Variants in PPIL3 observed in about 807,000 individuals in gnomAD.
The protein encoded by PPIL3 is peptidylprolyl isomerase like 3.
A neutral mutation model predicts 20.9 loss-of-function variants in PPIL3; 13 were observed. The ratio of observed to expected loss-of-function variants is 0.62; its 90% CI spans 0.40 to 0.99. The LOEUF is 0.99. Among genes scored for constraint, PPIL3 ranks in the 50% least tolerant of loss-of-function variants. The pLI is 0.00. For synonymous variants in PPIL3, 71 were observed against 64.4 expected (o/e 1.10, Z -0.49); for missense variants, 170 against 195.2 (o/e 0.87, Z 0.77).
intron 5 of PPIL3, among the ~76,000 whole-genome samples, chr2:200,877,876 C>G (rs891632241): frequency 6.6e-6 from 1 of 152,156 alleles, no homozygotes; most frequent in Non-Finnish European, 1.5e-5. Context: ...TCACCTAGCT[C>G]TACTATCATG....
At chr2:200,875,305 G>C (rs919111303) in intron 6 of PPIL3, among the ~76,000 whole-genome samples, 2 of 151,234 alleles carry the variant, frequency 1.3e-5, no homozygotes, top group African/African-American at 4.9e-5. Flanking sequence ...GTCTCGCTTT[G>C]TCACCAGGCT....
chr2:200,884,566 C>T (rs1203081018), intron 3 of PPIL3, among the ~76,000 whole-genome samples: 1 of 151,378 alleles, frequency 6.6e-6, no homozygotes, highest in African/African-American at 2.4e-5. Context: ...AGTGAGATCT[C>T]GTCTCCATAA....
At chr2:200,875,408 C>T (rs538236370) in intron 6 of PPIL3, among the ~76,000 whole-genome samples, 5 of 151,960 alleles carry the variant, frequency 3.3e-5, no homozygotes, top group Non-Finnish European at 5.9e-5. Context: ...GCTGGAATTA[C>T]AGGCACGCAC....
intron 6 of PPIL3, among the ~76,000 whole-genome samples, chr2:200,871,945 T>G (rs72929005): frequency 0.046 from 7,032 of 152,238 alleles, 250 homozygotes; most frequent in Middle Eastern, 0.099. Context: ...TTTCAAAATT[T>G]TATTTAATTT....
chr2:200,887,436 G>T (rs927101818), intron 2 of PPIL3, among the ~76,000 whole-genome samples, 177 bp downstream of exon 2: 17 of 136,562 alleles, frequency 1.2e-4, no homozygotes, highest in African/African-American at 3.8e-4. Flanking sequence ...CAACATTAAA[G>T]AATTTTAAAG....
Position 200,871,469 on chromosome 2 carries a change from C to T in PPIL3, c.412G>A (p.Glu138Lys). The change falls in exon 7 of 7, where the codon GAG becomes AAG. Residue 138 changes from glutamate to lysine, a missense_variant. Coordinates refer to ENST00000392283, the MANE Select transcript of PPIL3 (RefSeq NM_130906.3). ...LDELEKLPVN[E>K]KTYRPLNDVH... ...TCATTAAGAGGTCGGTATGTCTTCT[C>T]ATTTACTGGCAACTTCTCCAACTCA... 1 of 1,611,518 alleles carries T rather than the reference C, an allele frequency of 6.2e-7. No individual in the cohort carries two copies. Among genetic ancestry groups the T allele is most frequent in the Non-Finnish European group, 8.5e-7 (1 of 1,177,750 alleles).
intron 3 of PPIL3, 34 bp downstream of exon 3, chr2:200,885,664 A>T (rs1211678351): frequency 1.6e-5 from 20 of 1,273,954 alleles, no homozygotes; most frequent in Non-Finnish European, 2.2e-5. Context: ...TTGTTGTATT[A>T]ACTGATGTTG....
At position 200,889,049 on chromosome 2, in the gene PPIL3, G is replaced by A. The variant is rs2040095304; in HGVS notation, c.-164C>T. ...AGAGGTCTGTTGGTTCAAAATTATA[G>A]TTTCTTTGGGCCAGCGGAAGTTGGG... On this transcript the variant is annotated 5_prime_UTR_variant, in exon 1 of 7. Transcript: ENST00000392283. The A allele has an allele frequency of 2.1e-6, 1 of 471,018 alleles. No homozygotes were observed. The highest frequency in any genetic ancestry group is 2.0e-5 in the African/African-American group (1 of 50,086). The allele number at this position is 471,018 out of a possible 1,614,324, so 29.2% of individuals were successfully genotyped here.
At chr2:200,885,674 G>A in intron 3 of PPIL3, 24 bp downstream of exon 3, 1 of 1,398,498 alleles carries the variant, frequency 7.2e-7, no homozygotes, top group Non-Finnish European at 1.0e-6. Flanking sequence ...AACTGATGTT[G>A]AATATGTAAA....
At chr2:200,884,321 G>A (rs946602913) in intron 3 of PPIL3, among the ~76,000 whole-genome samples, 1 of 152,150 alleles carries the variant, frequency 6.6e-6, no homozygotes, top group African/African-American at 2.4e-5. Context: ...AGAATCCCTT[G>A]GACCTGGGTG....
Position 200,887,779 on chromosome 2 carries a change from G to C in PPIL3, c.-70-94C>G, listed in dbSNP as rs1037287207. On this transcript the variant is annotated intron_variant, in intron 1 of 6. Coordinates refer to ENST00000392283, the MANE Select transcript of PPIL3 (RefSeq NM_130906.3). The stretch of plus-strand genomic sequence containing the variant: ...GAACATTTTAAATAAAAACCTCGCC[G>C]GGCGTGGTGGCTCACGCCTATAATC... 11 of 502,270 alleles carry C rather than the reference G, an allele frequency of 2.2e-5. No homozygotes were observed. The East Asian group carries it at 3.7e-4, about 17-fold the overall frequency. 31.1% of individuals were successfully genotyped at this position (502,270 alleles called of 1,614,324 possible).
intron 6 of PPIL3, among the ~76,000 whole-genome samples, chr2:200,876,122 T>TAA (rs1384894709): frequency 2.7e-5 from 4 of 147,586 alleles, no homozygotes; most frequent in Non-Finnish European, 4.5e-5. Context: ...ACCATGTCTC[T>TAA]AAAAAAAAAG....
At chr2:200,871,852 T>C (rs2039316824) in intron 6 of PPIL3, among the ~76,000 whole-genome samples, 1 of 152,248 alleles carries the variant, frequency 6.6e-6, no homozygotes, top group East Asian at 1.9e-4. Flanking sequence ...AAACTGTTTT[T>C]CTACACTTTC....
chr2:200,885,897 G>A, intron 2 of PPIL3, 125 bp from the exon 3 acceptor site: 1 of 575,480 alleles, frequency 1.7e-6, no homozygotes, highest in Non-Finnish European at 3.0e-6. Flanking sequence ...TACTGCTTCA[G>A]AGATGACCCA....
chr2:200,872,106 C>T (rs576755886), intron 6 of PPIL3, among the ~76,000 whole-genome samples: 1 of 152,240 alleles, frequency 6.6e-6, no homozygotes, highest in East Asian at 1.9e-4. Flanking sequence ...TTCCAAGTCC[C>T]GATTGTGATC....
intron 4 of PPIL3, among the ~76,000 whole-genome samples, chr2:200,882,051 C>A (rs1027775533): frequency 6.6e-6 from 1 of 152,070 alleles, no homozygotes; most frequent in Non-Finnish European, 1.5e-5. Context: ...AGGAGGGGAA[C>A]AACACACAGC....
chr2:200,882,302 A>T, intron 4 of PPIL3, 40 bp downstream of exon 4: 1 of 1,265,766 alleles, frequency 7.9e-7, no homozygotes, highest in Non-Finnish European at 1.2e-6. Flanking sequence ...TTCATACTAT[A>T]CATTCAGTTC....
At chr2:200,883,134 T>G (rs1162320401) in intron 3 of PPIL3, among the ~76,000 whole-genome samples, 2 of 146,242 alleles carry the variant, frequency 1.4e-5, no homozygotes, top group Non-Finnish European at 3.0e-5. Context: ...TTTTTTTTTT[T>G]GTAGAGACAG....
At chr2:200,880,284 T>C (rs936395814) in intron 5 of PPIL3, among the ~76,000 whole-genome samples, 2 of 152,078 alleles carry the variant, frequency 1.3e-5, no homozygotes, top group Admixed American at 6.6e-5. Context: ...AGAAAAGAAA[T>C]TACTCCTAGT....
Sources: gnomAD v4.1 joint callset for allele counts (sites outside exome capture counted in the v4.1 genomes callset) on GRCh38, gnomAD v4.1.1 for gene constraint, MANE v1.5 for transcripts, NCBI Gene and HGNC (gene_info 2026-07-23, HGNC 2026-07-21) for gene names.